SLC9A9: variants seen among roughly 807,000 people sequenced by gnomAD.
The protein encoded by SLC9A9 is solute carrier family 9 member A9.
Under a neutral mutation model 77.8 loss-of-function variants are expected in SLC9A9, and 62 were observed. That is an observed-to-expected ratio of 0.80 (90% CI 0.65 to 0.98). SLC9A9 has a LOEUF of 0.98. SLC9A9 is among the 50% of genes least tolerant of loss of function. SLC9A9 has a pLI of 0.00. For missense variants in SLC9A9, 775 were observed against 774.9 expected (o/e 1.00, Z 0.00); for synonymous variants, 320 against 283.5 (o/e 1.13, Z -1.29).
chr3:143,396,129 A>G (rs1028270809), intron 12 of SLC9A9, among the ~76,000 whole-genome samples: 3 of 152,160 alleles, frequency 2.0e-5, no homozygotes, highest in African/African-American at 7.2e-5. Flanking sequence ...AAATCATGCT[A>G]CTATAAAGAC....
chr3:143,765,648 A>G (rs2007290195), intron 4 of SLC9A9, among the ~76,000 whole-genome samples: 1 of 152,228 alleles, frequency 6.6e-6, no homozygotes, highest in Non-Finnish European at 1.5e-5. Flanking sequence ...GACCAAAATA[A>G]TCTATGCCTC....
intron 2 of SLC9A9, among the ~76,000 whole-genome samples, chr3:143,807,247 C>T (rs976609955): frequency 5.9e-5 from 9 of 151,614 alleles, no homozygotes; most frequent in African/African-American, 2.2e-4. Context: ...AGTTCAAGAC[C>T]AGCCTGGCCA....
chr3:143,691,185 C>A (rs900454359), intron 5 of SLC9A9, among the ~76,000 whole-genome samples: 1 of 152,040 alleles, frequency 6.6e-6, no homozygotes, highest in Non-Finnish European at 1.5e-5. Context: ...TCCCAAGTAG[C>A]TATAGCTGGA....
At chr3:143,375,850 T>G (rs2033171104) in intron 13 of SLC9A9, among the ~76,000 whole-genome samples, 1 of 152,224 alleles carries the variant, frequency 6.6e-6, no homozygotes, top group Admixed American at 6.5e-5. Flanking sequence ...TAGCTTATAG[T>G]ATTCTTGGTG....
Position 143,490,128 on chromosome 3 carries a change from CA to C in SLC9A9, c.1315+3524del, listed in dbSNP as rs1167132351. ...CAGTATGGCAGCTTCTCAAAACATTCAAAATAGAATTACTATATGACCCAGC... is the reference window on the plus strand; with the variant it reads ...CAGTATGGCAGCTTCTCAAAACATTCAAATAGAATTACTATATGACCCAGC... On this transcript the variant is annotated intron_variant, in intron 11 of 15. Transcript: ENST00000316549. Among the ~76,000 whole-genome samples, 35 of 152,144 alleles carry C rather than the reference CA, an allele frequency of 2.3e-4. 1 individual carries two copies. Among genetic ancestry groups the C allele is most frequent in the Admixed American group, 1.6e-3 (25 of 15,288 alleles).
At chr3:143,393,628 T>TA (rs753646784) in intron 12 of SLC9A9, among the ~76,000 whole-genome samples, 14 of 151,344 alleles carry the variant, frequency 9.3e-5, no homozygotes, top group Non-Finnish European at 1.8e-4. Flanking sequence ...AATAGAGACA[T>TA]AAAAAACCCT....
In SLC9A9 at chr3:143,495,383, G is replaced by A; in HGVS notation, c.1155C>T (p.Phe385=). Residue 385 remains phenylalanine, a synonymous_variant, in exon 10 of 16, where the codon TTC becomes TTT. Transcript: ENST00000316549. The part of the protein sequence containing the change: ...VIFCYMGLAL[F]TFQNHIFNAL... ...CATTAAAGATATGATTCTGGAACGT[G>A]AACAGTGCCAGGCCCATGTAACAGA... The A allele has an allele frequency of 1.2e-6, 2 of 1,614,106 alleles. No individual in the cohort carries two copies. Among genetic ancestry groups the A allele is most frequent in the Non-Finnish European group, 1.7e-6 (2 of 1,180,002 alleles).
At chr3:143,750,630 T>C (rs2006672331) in intron 4 of SLC9A9, among the ~76,000 whole-genome samples, 1 of 151,982 alleles carries the variant, frequency 6.6e-6, no homozygotes, top group Admixed American at 6.6e-5. Flanking sequence ...TGTTTTATGA[T>C]GTCATTTGGT....
intron 13 of SLC9A9, 25 bp downstream of exon 13, chr3:143,382,035 A>G: frequency 6.2e-7 from 1 of 1,613,498 alleles, no homozygotes; most frequent in Non-Finnish European, 8.5e-7. Flanking sequence ...TCTCTATATA[A>G]TGTGCATTGG....
chr3:143,832,111 T>C lies in SLC9A9; in HGVS notation c.286A>G (p.Asn96Asp). The change falls in exon 2 of 16, where the codon AAT (asparagine) becomes GAT (aspartate). Residue 96 changes from asparagine (N) to aspartate (D), a missense_variant. Physicochemically the swap from Asn to Asp is conservative, Grantham distance 23. Transcript: ENST00000316549. ...TATTCATAAACTTGGTCAGTGATATTAACCAGCAGAGTTGATGGACTGAAA... is the reference window on the plus strand; with the variant it reads ...TATTCATAAACTTGGTCAGTGATATCAACCAGCAGAGTTGATGGACTGAAA... ...LTFSPSTLLV[N>D]ITDQVYEYKY... is the part of the protein sequence containing the mutation. 6.2e-7 allele frequency: 1 copy of C among 1,613,194 alleles called. No homozygotes were observed. The highest frequency in any genetic ancestry group is 1.7e-5 in the Admixed American group (1 of 59,936).
chr3:143,266,184 C>T lies in SLC9A9; in HGVS notation c.*518G>A, dbSNP rs1454333503. ...TGGGTACGGAACACTTCTCTGGGCTCTGCCCTGGGGTCACTGAGAGCAAAT... is the reference window on the plus strand; with the variant it reads ...TGGGTACGGAACACTTCTCTGGGCTTTGCCCTGGGGTCACTGAGAGCAAAT... On this transcript the variant is annotated 3_prime_UTR_variant, in exon 16 of 16. Coordinates refer to ENST00000316549, the MANE Select transcript of SLC9A9 (RefSeq NM_173653.4). 2.3e-5 allele frequency: 16 copies of T among 696,280 alleles called. No individual in the cohort carries two copies. The highest frequency in any genetic ancestry group is 3.9e-5 in the Non-Finnish European group (15 of 382,188). 43.1% of individuals were successfully genotyped at this position (696,280 alleles called of 1,614,324 possible). A position where few individuals can be genotyped will look rare whatever the true frequency, so the allele number is the denominator to read the frequency against.
At chr3:143,356,259 T>G (rs961464852) in intron 14 of SLC9A9, among the ~76,000 whole-genome samples, 1 of 152,224 alleles carries the variant, frequency 6.6e-6, no homozygotes, top group African/African-American at 2.4e-5. Flanking sequence ...CTGTTTTAAA[T>G]GTGTTGGTTC....
intron 9 of SLC9A9, chr3:143,517,125 C>G (rs1193917401): frequency 1.3e-6 from 2 of 1,553,328 alleles, no homozygotes; most frequent in Admixed American, 1.7e-5. Flanking sequence ...GGGCATTACG[C>G]TTGACCTCCA....
At chr3:143,781,976 T>G (rs1002370455) in intron 4 of SLC9A9, among the ~76,000 whole-genome samples, 21 of 152,332 alleles carry the variant, frequency 1.4e-4, no homozygotes, top group African/African-American at 3.4e-4. Context: ...TAAATCAGGT[T>G]GAACACCTCC....
At chr3:143,535,510 T>G (rs984746954) in intron 9 of SLC9A9, among the ~76,000 whole-genome samples, 9 of 152,214 alleles carry the variant, frequency 5.9e-5, no homozygotes, top group Admixed American at 2.0e-4. Flanking sequence ...TGCTTAATAT[T>G]AAGCAGCAAA....
At chr3:143,712,999 C>G (rs1046440687) in intron 4 of SLC9A9, among the ~76,000 whole-genome samples, 11 of 151,992 alleles carry the variant, frequency 7.2e-5, no homozygotes, top group African/African-American at 2.7e-4. Flanking sequence ...AATCTCAGAT[C>G]CCCCTGAAGA....
chr3:143,602,600 T>C (rs543639356), intron 6 of SLC9A9, among the ~76,000 whole-genome samples: 1 of 152,348 alleles, frequency 6.6e-6, no homozygotes, highest in East Asian at 1.9e-4. Context: ...TAATAATTTC[T>C]TTTAAAAGAC....
chr3:143,829,729 A>G (rs1010016849), intron 2 of SLC9A9, among the ~76,000 whole-genome samples: 1 of 152,186 alleles, frequency 6.6e-6, no homozygotes, highest in African/African-American at 2.4e-5. Flanking sequence ...TGGTAGCGTT[A>G]TTTTTGGAAG....
At chr3:143,552,194 T>C (rs946946328) in intron 9 of SLC9A9, among the ~76,000 whole-genome samples, 168 bp downstream of exon 9, 25 of 152,202 alleles carry the variant, frequency 1.6e-4, no homozygotes, top group African/African-American at 5.8e-4. Context: ...GAATTGTTAA[T>C]GGTTATCCTG....
Sources: gnomAD v4.1 joint callset for allele counts (sites outside exome capture counted in the v4.1 genomes callset) on GRCh38, gnomAD v4.1.1 for gene constraint, MANE v1.5 for transcripts, NCBI Gene and HGNC (gene_info 2026-07-23, HGNC 2026-07-21) for gene names.